Variants in MSRA observed in about 807,000 individuals in gnomAD.
MSRA encodes the protein mitochondrial peptide methionine sulfoxide reductase.
MSRA carries 54 observed loss-of-function variants against 31.3 expected under a neutral mutation model. The ratio of observed to expected loss-of-function variants is 1.73; its 90% CI spans 1.39 to 2.17. The LOEUF (loss-of-function observed/expected upper bound fraction) is 2.17. Ranked by LOEUF, MSRA falls within the 30% of genes most tolerant of loss-of-function variation. MSRA has a pLI of 0.00. For synonymous variants in MSRA, 169 were observed against 116.5 expected, an observed-to-expected ratio of 1.45 and a Z score of -2.90; for missense variants, 507 against 300.9, an observed-to-expected ratio of 1.69 and a Z score of -5.07.
intron 2 of MSRA, among the ~76,000 whole-genome samples, chr8:10,242,181 G>A (rs776160797): frequency 7.9e-5 from 12 of 151,590 alleles, no homozygotes; most frequent in Non-Finnish European, 1.8e-4. Context: ...TGCGGCAGAA[G>A]AATTGCTTGA....
intron 3 of MSRA, among the ~76,000 whole-genome samples, chr8:10,266,708 G>A (rs1798766669): frequency 6.6e-6 from 1 of 151,880 alleles, no homozygotes; most frequent in Non-Finnish European, 1.5e-5. Context: ...AGTTTAAGAT[G>A]TACATTTAAG....
intron 1 of MSRA, among the ~76,000 whole-genome samples, chr8:10,088,133 C>T (rs979790821): frequency 6.6e-6 from 1 of 152,174 alleles, no homozygotes; most frequent in Non-Finnish European, 1.5e-5. Context: ...CTTCCTGTTT[C>T]TTCTGCCACT....
At chr8:10,425,744 A>C (rs1426474766) in intron 5 of MSRA, among the ~76,000 whole-genome samples, 2 of 152,202 alleles carry the variant, frequency 1.3e-5, no homozygotes, top group African/African-American at 4.8e-5. Flanking sequence ...GGACGATCAC[A>C]CCTGTGGGCA....
At chr8:10,343,549 C>A (rs1330984782) in intron 5 of MSRA, among the ~76,000 whole-genome samples, 1 of 152,168 alleles carries the variant, frequency 6.6e-6, no homozygotes, top group Non-Finnish European at 1.5e-5. Context: ...AAACTGCGTT[C>A]CCCAACCACT....
At chr8:10,245,337 A>C (rs549044795) in intron 3 of MSRA, 114 bp downstream of exon 3, 4 of 991,376 alleles carry the variant, frequency 4.0e-6, no homozygotes, top group Non-Finnish European at 5.9e-6. Flanking sequence ...ATGTTTCTTC[A>C]ATCTTTATTA....
intron 1 of MSRA, among the ~76,000 whole-genome samples, chr8:10,134,247 T>A (rs1028605057): frequency 6.6e-6 from 1 of 152,326 alleles, no homozygotes. Context: ...GGAAGTGTCA[T>A]GATATTCCAT....
chr8:10,379,792 C>T (rs1805958637), intron 5 of MSRA, among the ~76,000 whole-genome samples: 1 of 152,204 alleles, frequency 6.6e-6, no homozygotes, highest in South Asian at 2.1e-4. Flanking sequence ...TCTCTTCTGC[C>T]AGTGGCAGTC....
chr8:10,155,702 G>A (rs140019473), intron 1 of MSRA, among the ~76,000 whole-genome samples: 1 of 152,242 alleles, frequency 6.6e-6, no homozygotes, highest in Non-Finnish European at 1.5e-5. Flanking sequence ...TCAAACTTGG[G>A]ATGGTTGGAA....
At chr8:10,404,857 G>A (rs886531838) in intron 5 of MSRA, among the ~76,000 whole-genome samples, 26 of 152,194 alleles carry the variant, frequency 1.7e-4, no homozygotes, top group African/African-American at 4.8e-4. Flanking sequence ...TCCCAAGCAC[G>A]GCATCCTCCC....
At chr8:10,321,473 C>A (rs1009350689) in intron 5 of MSRA, among the ~76,000 whole-genome samples, 1 of 152,024 alleles carries the variant, frequency 6.6e-6, no homozygotes, top group Non-Finnish European at 1.5e-5. Flanking sequence ...CTTCCTTGGC[C>A]CCTCCCACCT....
At chr8:10,080,772 C>T (rs1292793782) in intron 1 of MSRA, among the ~76,000 whole-genome samples, 1 of 151,006 alleles carries the variant, frequency 6.6e-6, no homozygotes, top group Non-Finnish European at 1.5e-5. Context: ...TTCCTGGGCT[C>T]AAGCGATCCT....
intron 4 of MSRA, among the ~76,000 whole-genome samples, chr8:10,306,955 T>C (rs1172126984): frequency 6.6e-6 from 1 of 152,166 alleles, no homozygotes; most frequent in East Asian, 1.9e-4. Context: ...ATAATCCTAA[T>C]TGCATTTAAA....
chr8:10,412,246 T>C (rs1172308161), intron 5 of MSRA, among the ~76,000 whole-genome samples: 3 of 152,276 alleles, frequency 2.0e-5, no homozygotes, highest in Non-Finnish European at 4.4e-5. Flanking sequence ...CTAGTCGTTC[T>C]TAAGTGTTTC....
In MSRA at chr8:10,409,419, C is replaced by T. The variant is rs529017840; in HGVS notation, c.544-18729C>T. ...AAGGAGATCATGTAAGGTCTCTTGT[C>T]ACACGGGGACATGGAATTCTTTTTA... On this transcript the variant is annotated intron_variant, in intron 5 of 5. Coordinates refer to ENST00000317173, the MANE Select transcript of MSRA (RefSeq NM_012331.5). 1.4e-4 allele frequency among the ~76,000 whole-genome samples: 22 copies of T among 152,308 alleles called. 1 individual carries two copies. The South Asian group carries it at 4.3e-3, about 30-fold the overall frequency.
chr8:10,301,708 G>A (rs762831178), intron 4 of MSRA, 70 bp downstream of exon 4: 15 of 1,237,458 alleles, frequency 1.2e-5, no homozygotes, highest in Non-Finnish European at 1.6e-5. Flanking sequence ...TGTTTGAGCT[G>A]CATGGAAGAG....
At chr8:10,138,510 G>T (rs1802459796) in intron 1 of MSRA, among the ~76,000 whole-genome samples, 1 of 152,126 alleles carries the variant, frequency 6.6e-6, no homozygotes, top group Non-Finnish European at 1.5e-5. Context: ...AAATAAGACG[G>T]CTGCTTTCAT....
intron 3 of MSRA, among the ~76,000 whole-genome samples, chr8:10,270,628 C>G (rs777564013): frequency 6.6e-6 from 1 of 152,136 alleles, no homozygotes; most frequent in Admixed American, 6.5e-5. Flanking sequence ...GAGTTCCACA[C>G]GTTGGTGAGG....
chr8:10,210,887 C>G (rs7829161), intron 2 of MSRA, among the ~76,000 whole-genome samples: 1 of 151,626 alleles, frequency 6.6e-6, no homozygotes, highest in East Asian at 1.9e-4. Context: ...GTGTGCATCA[C>G]CACGCTCACC....
At chr8:10,253,553 A>G (rs1798025139) in intron 3 of MSRA, among the ~76,000 whole-genome samples, 1 of 152,244 alleles carries the variant, frequency 6.6e-6, no homozygotes, top group Admixed American at 6.5e-5. Context: ...TACCCATTCA[A>G]CACTAGAAAT....
Sources: allele counts gnomAD v4.1 joint callset (sites outside exome capture counted in the v4.1 genomes callset), GRCh38; gene constraint gnomAD v4.1.1; transcripts MANE v1.5; gene names NCBI Gene and HGNC (gene_info 2026-07-23, HGNC 2026-07-21).